The following PHF19 variants were observed in gnomAD, a reference collection of about 807,000 sequenced individuals.
PHF19 encodes the protein polycomb like 3.
PHF19 carries 21 observed loss-of-function variants against 79.8 expected under a neutral mutation model. The ratio of observed to expected loss-of-function variants is 0.26; its 90% CI spans 0.19 to 0.38. The LOEUF is 0.38. Among genes scored for constraint, PHF19 ranks in the 10% least tolerant of loss-of-function variants. PHF19 has a pLI of 1.00. For synonymous variants in PHF19, 273 were observed against 296.3 expected (o/e 0.92, Z 0.81); for missense variants, 445 against 744.2 (o/e 0.60, Z 4.68).
Position 120,863,525 on chromosome 9 carries a change from G to A in PHF19, c.968+524C>T, listed in dbSNP as rs1261783831. 2.0e-5 allele frequency among the ~76,000 whole-genome samples: 3 copies of A among 152,162 alleles called. No homozygotes were observed. The East Asian group carries it at 5.8e-4, about 29-fold the overall frequency. On this transcript the variant is annotated intron_variant, in intron 10 of 14. Transcript: ENST00000373896. ...GCCAGGTAGGAAACCAAGGACTCAG[G>A]ATGGCTGGCACCCAGAATACAGAAA...
intron 1 of PHF19, chr9:120,876,046 G>GT (rs1397474364): frequency 5.9e-5 from 9 of 152,900 alleles, no homozygotes; most frequent in African/African-American, 2.2e-4. Context: ...TGTGTGGTGC[G>GT]TGTGTGTACT....
At chr9:120,863,954 G>A (rs771944304) in intron 10 of PHF19, 95 bp downstream of exon 10, 37 of 985,658 alleles carry the variant, frequency 3.8e-5, no homozygotes, top group Middle Eastern at 2.1e-4. Flanking sequence ...GAGTATCAGA[G>A]AGGCAGGGAG....
Position 120,862,034 on chromosome 9 carries a change from C to G in PHF19, c.1131-29G>C. 1.9e-6 allele frequency: 3 copies of G among 1,564,220 alleles called. No individual in the cohort carries two copies. Among genetic ancestry groups the G allele is most frequent in the Non-Finnish European group, 2.6e-6 (3 of 1,134,408 alleles). ...TGGAGACAGAAGAGGGAGAAGGTGG[C>G]CCCGTCAGAGCCTGAGGGCCCTAGG... On this transcript the variant is annotated intron_variant, in intron 11 of 14. Transcript: ENST00000373896. This position sits in a 1 kb window ranked among gnomAD's most constrained non-coding sequence, Gnocchi z 4.6.
In PHF19 at chr9:120,891,761, G is replaced by A; in HGVS notation, c.42+3027C>T. Among the ~76,000 whole-genome samples the A allele has an allele frequency of 6.6e-6, 1 of 152,162 alleles. No homozygotes were observed. The highest frequency in any genetic ancestry group is 3.2e-3 in the Middle Eastern group (1 of 316). On this transcript the variant is annotated intron_variant, in intron 1 of 14. Transcript: ENST00000616568. This position sits in a 1 kb window ranked among gnomAD's most constrained non-coding sequence, Gnocchi z 4.3. The stretch of plus-strand genomic sequence containing the variant: ...CCCCACAGGCCCCACCCAGTCTTCC[G>A]TGCTTGTTAGGAGAGACGGAAGCAT...
chr9:120,876,859 G>T, intron 1 of PHF19: 1 of 354,828 alleles, frequency 2.8e-6, no homozygotes, highest in Non-Finnish European at 3.9e-6. Flanking sequence ...CGGGGGCGAG[G>T]AAGAACGACC....
chr9:120,896,346 G>A (rs1375019710), upstream of PHF19, among the ~76,000 whole-genome samples: 1 of 151,778 alleles, frequency 6.6e-6, no homozygotes, highest in African/African-American at 2.4e-5. Flanking sequence ...ACCGAAGCTT[G>A]GACAGATGAG....
chr9:120,857,767 G>A lies in PHF19; in HGVS notation c.*177C>T, dbSNP rs370700058. Reference sequence around the variant, plus strand: ...CTGAGGAGGCCCTGGAACAGAGCTGGTACAGCAGAGAGACGCAGGCCTTGG... The same window carrying A: ...CTGAGGAGGCCCTGGAACAGAGCTGATACAGCAGAGAGACGCAGGCCTTGG... On this transcript the variant is annotated 3_prime_UTR_variant, in exon 15 of 15. Transcript: ENST00000373896. 2.3e-3 allele frequency: 1,336 copies of A among 569,052 alleles called. 18 individuals are homozygous for A. The highest frequency in any genetic ancestry group is 0.021 in the African/African-American group (1,139 of 53,120). 35.3% of individuals were successfully genotyped at this position (569,052 alleles called of 1,614,324 possible). A position where few individuals can be genotyped will look rare whatever the true frequency, so the allele number is the denominator to read the frequency against.
chr9:120,877,799 A>G (rs1010829573), upstream of PHF19, among the ~76,000 whole-genome samples: 8 of 152,374 alleles, frequency 5.3e-5, no homozygotes, highest in East Asian at 1.9e-4. Context: ...GACACAGGTC[A>G]GAACACACCA....
intron 1 of PHF19, among the ~76,000 whole-genome samples, chr9:120,888,492 G>A (rs1022316327): frequency 1.3e-5 from 2 of 152,196 alleles, no homozygotes; most frequent in African/African-American, 4.8e-5. Context: ...GGCAAGAGAG[G>A]CTATGCCAAT....
At chr9:120,880,712 C>T (rs751774070), upstream of PHF19, among the ~76,000 whole-genome samples, 5 of 152,180 alleles carry the variant, frequency 3.3e-5, no homozygotes, top group African/African-American at 1.2e-4. Flanking sequence ...TGTATTCCAG[C>T]GCTTTGGGAG....
At position 120,860,747 on chromosome 9, in the gene PHF19, G is replaced by A. The variant is rs189116505; in HGVS notation, c.1304+342C>T. Among the ~76,000 whole-genome samples the A allele has an allele frequency of 2.6e-3, 396 of 152,272 alleles. No homozygotes were observed. The highest frequency in any genetic ancestry group is 0.02 in the Middle Eastern group (6 of 294). On this transcript the variant is annotated intron_variant, in intron 13 of 14. Coordinates refer to ENST00000373896, the MANE Select transcript of PHF19 (RefSeq NM_015651.3). The surrounding 1 kb of genome is among the most constrained non-coding windows in gnomAD (Gnocchi z 4.1). ...AGGGCGTCCAGCACAGCCTGGGGAG[G>A]GTTAGTAAAGCCTTCCTGGAAGAAG...
intron 10 of PHF19, among the ~76,000 whole-genome samples, chr9:120,863,498 G>C (rs2045599230): frequency 2.6e-5 from 4 of 152,182 alleles, no homozygotes; most frequent in Admixed American, 2.6e-4. Context: ...ATGAGTAAAA[G>C]TGCCAGGTAG....
At chr9:120,896,655 G>A (rs933324108), upstream of PHF19, among the ~76,000 whole-genome samples, 14 of 151,848 alleles carry the variant, frequency 9.2e-5, no homozygotes, top group Admixed American at 2.0e-4. Context: ...GGGTTTCACC[G>A]TGTTAGCCAG....
At position 120,866,335 on chromosome 9, in the gene PHF19, A is replaced by C. The variant is rs2045700263; in HGVS notation, c.711-239T>G. 6.6e-6 allele frequency among the ~76,000 whole-genome samples: 1 copy of C among 152,176 alleles called. No individual in the cohort carries two copies. The highest frequency in any genetic ancestry group is 2.1e-4 in the South Asian group (1 of 4,832). On this transcript the variant is annotated intron_variant, in intron 7 of 14. Coordinates refer to ENST00000373896, the MANE Select transcript of PHF19 (RefSeq NM_015651.3). This position sits in a 1 kb window ranked among gnomAD's most constrained non-coding sequence, Gnocchi z 5.2. ...CTTGCCCTGAAGCGTGGCTGAGTTC[A>C]CAGAGAGTGAGCTGAGCTAGGCTGG...
intron 1 of PHF19, among the ~76,000 whole-genome samples, chr9:120,894,391 T>C (rs1406190991): frequency 2.0e-5 from 3 of 152,170 alleles, no homozygotes; most frequent in African/African-American, 7.2e-5. Context: ...TCTTTGCCTC[T>C]GTCTGCGGCG....
rs978499689 is a variant in PHF19 at position 120,862,142 on chromosome 9, G to A, written c.1131-137C>T. 2.8e-6 allele frequency: 2 copies of A among 715,300 alleles called. No individual in the cohort carries two copies. Among genetic ancestry groups the A allele is most frequent in the South Asian group, 1.5e-5 (1 of 68,702 alleles). 44.3% of individuals were successfully genotyped at this position (715,300 alleles called of 1,614,324 possible). On this transcript the variant is annotated intron_variant, in intron 11 of 14. Coordinates refer to ENST00000373896, the MANE Select transcript of PHF19 (RefSeq NM_015651.3). The surrounding 1 kb of genome is among the most constrained non-coding windows in gnomAD (Gnocchi z 4.6). ...CTGAACACAGCTGCACCTTCACAGG[G>A]AGGCCTGGGGAGGAGGGAGAGTCCT...
At chr9:120,871,500 A>G (rs1468682757) in intron 3 of PHF19, among the ~76,000 whole-genome samples, 1 of 152,212 alleles carries the variant, frequency 6.6e-6, no homozygotes. Context: ...TACCTTAACA[A>G]TTTTAAGTCT....
chr9:120,883,456 A>G (rs1048281129), intron 1 of PHF19, among the ~76,000 whole-genome samples: 3 of 152,148 alleles, frequency 2.0e-5, no homozygotes, highest in Non-Finnish European at 4.4e-5. Flanking sequence ...GCAGCCTTTG[A>G]TCTCAGGAAG....
rs774609547 is a variant in PHF19 at position 120,870,548 on chromosome 9, AG to A, written c.269-11del. 2 of 1,529,608 alleles carry A rather than the reference AG, an allele frequency of 1.3e-6. No individual in the cohort carries two copies. The highest frequency in any genetic ancestry group is 4.5e-5 in the East Asian group (2 of 44,462). 94.8% of individuals were successfully genotyped at this position (1,529,608 alleles called of 1,614,324 possible). ...TCTCCTGGAACACCGGCTGAAAGAG[AG>A]GGCCTCGAGGGTCGGGTCCAGCTCA... On this transcript the variant is annotated splice_polypyrimidine_tract_variant and intron_variant, in intron 3 of 14. Transcript: ENST00000373896. The surrounding 1 kb of genome is among the most constrained non-coding windows in gnomAD (Gnocchi z 4.4).
Sources: gnomAD v4.1 joint callset for allele counts (sites outside exome capture counted in the v4.1 genomes callset) on GRCh38, gnomAD v4.1.1 for gene constraint, Gnocchi (gnomAD v3.1) non-coding constraint, MANE v1.5 for transcripts, NCBI Gene and HGNC (gene_info 2026-07-23, HGNC 2026-07-21) for gene names.